Variants in GALNT2 observed in about 807,000 individuals in gnomAD.
GALNT2 encodes the protein polypeptide N-acetylgalactosaminyltransferase 2, also known as UDP-GalNAc:polypeptide N-acetylgalactosaminyltransferase 2.
Under a neutral mutation model 81.4 loss-of-function variants are expected in GALNT2, and 31 were observed. That is an observed-to-expected ratio of 0.38 (90% CI 0.29 to 0.51). GALNT2 has a LOEUF of 0.51. GALNT2 is among the 20% of genes least tolerant of loss of function. The pLI is 0.87. For synonymous variants in GALNT2, 303 were observed against 287.4 expected (o/e 1.05, Z -0.55); for missense variants, 629 against 765.7 (o/e 0.82, Z 2.11).
At chr1:230,200,987 C>T (rs777478771) in intron 2 of GALNT2, among the ~76,000 whole-genome samples, 11 of 152,238 alleles carry the variant, frequency 7.2e-5, no homozygotes, top group Admixed American at 3.3e-4. Flanking sequence ...TGTATTAGTC[C>T]GTGAAAGGAT....
At position 230,279,574 on chromosome 1, in the gene GALNT2, A is replaced by T; in HGVS notation, c.*116A>T. 1.5e-6 allele frequency: 2 copies of T among 1,309,028 alleles called. No homozygotes were observed. 81.1% of individuals were successfully genotyped at this position (1,309,028 alleles called of 1,614,324 possible). A position where few individuals can be genotyped will look rare whatever the true frequency, so the allele number is the denominator to read the frequency against. ...CGAAACTAATATACCTCAGTATTCC[A>T]TCATGGTCTGAAAGTCAAACTTCGG... On this transcript the variant is annotated 3_prime_UTR_variant, in exon 16 of 16. Transcript: ENST00000366672. This position sits in a 1 kb window ranked among gnomAD's most constrained non-coding sequence, Gnocchi z 4.6.
At chr1:230,106,469 G>A (rs1267265102) in intron 1 of GALNT2, among the ~76,000 whole-genome samples, 1 of 152,180 alleles carries the variant, frequency 6.6e-6, no homozygotes, top group South Asian at 2.1e-4. Context: ...AGCCACCTGA[G>A]GTTGTGACTT....
intron 1 of GALNT2, among the ~76,000 whole-genome samples, chr1:230,157,879 A>G (rs1028064539): frequency 6.6e-6 from 1 of 152,204 alleles, no homozygotes; most frequent in Non-Finnish European, 1.5e-5. Context: ...GCACTGTTCT[A>G]TATCTTGATT....
chr1:230,159,662 G>A (rs1488025734), intron 1 of GALNT2, among the ~76,000 whole-genome samples: 1 of 152,200 alleles, frequency 6.6e-6, no homozygotes, highest in Admixed American at 6.5e-5. Context: ...AGCCGTTGTG[G>A]TTCCCACTGG....
At chr1:230,140,511 C>T (rs1288016664) in intron 1 of GALNT2, among the ~76,000 whole-genome samples, 1 of 152,216 alleles carries the variant, frequency 6.6e-6, no homozygotes, top group Non-Finnish European at 1.5e-5. Context: ...CGTGAAGCTG[C>T]TGTCCGTTGC....
intron 15 of GALNT2, 115 bp downstream of exon 15, chr1:230,274,679 T>C (rs1430880910): frequency 9.5e-6 from 12 of 1,260,338 alleles, no homozygotes; most frequent in Admixed American, 8.2e-5. Context: ...CGTGTACTTA[T>C]GTGTTCTTTT....
At chr1:230,274,940 CAT>C (rs1238392680) in intron 15 of GALNT2, among the ~76,000 whole-genome samples, 1 of 149,564 alleles carries the variant, frequency 6.7e-6, no homozygotes, top group Non-Finnish European at 1.5e-5. Flanking sequence ...TATATGTGAG[CAT>C]ATATATACAC....
At chr1:230,112,034 G>T (rs1660719566) in intron 1 of GALNT2, among the ~76,000 whole-genome samples, 1 of 152,178 alleles carries the variant, frequency 6.6e-6, no homozygotes, top group Admixed American at 6.5e-5. Context: ...ACATGGTGGG[G>T]AGGTGTCTCA....
intron 3 of GALNT2, among the ~76,000 whole-genome samples, chr1:230,211,854 C>T (rs1037652976): frequency 2.0e-5 from 3 of 152,150 alleles, no homozygotes; most frequent in East Asian, 1.9e-4. Context: ...ATGTCGTATA[C>T]CAGTTCCCAG....
At chr1:230,080,234 C>T (rs1374470752) in intron 1 of GALNT2, among the ~76,000 whole-genome samples, 1 of 151,958 alleles carries the variant, frequency 6.6e-6, no homozygotes, top group Non-Finnish European at 1.5e-5. Context: ...ATCAAATGTG[C>T]CATAGTTGTT....
intron 14 of GALNT2, chr1:230,268,630 C>T (rs566581468): frequency 6.6e-6 from 1 of 152,284 alleles, no homozygotes; most frequent in South Asian, 2.1e-4. Context: ...CTGGCTCACC[C>T]CCCGCCAGCA....
At chr1:230,236,542 G>A in intron 5 of GALNT2, 118 bp from the exon 6 acceptor site, 4 of 1,399,182 alleles carry the variant, frequency 2.9e-6, no homozygotes, top group Non-Finnish European at 4.0e-6. Context: ...AAGAAGAGGT[G>A]CCTCTGTGAT....
At chr1:230,135,307 A>G (rs1661502151) in intron 1 of GALNT2, among the ~76,000 whole-genome samples, 2 of 152,174 alleles carry the variant, frequency 1.3e-5, no homozygotes, top group African/African-American at 4.8e-5. Context: ...CTAATGATAC[A>G]GAATCTTCAT....
intron 4 of GALNT2, 112 bp from the exon 5 acceptor site, chr1:230,236,241 G>A (rs781640242): frequency 1.0e-5 from 14 of 1,347,846 alleles, no homozygotes; most frequent in Non-Finnish European, 1.3e-5. Context: ...AGGGTGCAGT[G>A]TGTAGCTCCT....
intron 1 of GALNT2, among the ~76,000 whole-genome samples, chr1:230,172,932 A>ATGGCAGG: frequency 6.6e-6 from 1 of 152,314 alleles, no homozygotes; most frequent in South Asian, 2.1e-4. Context: ...CTCTCTGATT[A>ATGGCAGG]TGGCAGGTAA....
Position 230,257,375 on chromosome 1 carries a change from G to A in GALNT2, c.1136+2031G>A, listed in dbSNP as rs183376679. On this transcript the variant is annotated intron_variant, in intron 11 of 15. Transcript: ENST00000366672. The surrounding 1 kb of genome is among the most constrained non-coding windows in gnomAD (Gnocchi z 4.6). ...CAGGCCAGAGATGTGATACAGTCAT[G>A]CACCTGTAACAGCGTTTCGGTCGGT... is the stretch of plus-strand genomic sequence containing the variant. 2.2e-3 allele frequency among the ~76,000 whole-genome samples: 328 copies of A among 152,368 alleles called. 1 individual carries two copies. The highest frequency in any genetic ancestry group is 7.6e-3 in the African/African-American group (317 of 41,582).
chr1:230,095,255 A>G (rs1020404350), intron 1 of GALNT2, among the ~76,000 whole-genome samples: 1 of 152,146 alleles, frequency 6.6e-6, no homozygotes, highest in African/African-American at 2.4e-5. Context: ...CATCTAGCAG[A>G]GTAAAAATAG....
At chr1:230,247,022 T>G (rs1417947542) in intron 8 of GALNT2, among the ~76,000 whole-genome samples, 1 of 151,738 alleles carries the variant, frequency 6.6e-6, no homozygotes, top group Non-Finnish European at 1.5e-5. Context: ...GGAGGATTGC[T>G]TGAGCCCAGG....
chr1:230,165,628 G>A (rs1432188501), intron 1 of GALNT2, among the ~76,000 whole-genome samples: 1 of 152,236 alleles, frequency 6.6e-6, no homozygotes, highest in African/African-American at 2.4e-5. Flanking sequence ...GACATCTGCA[G>A]CCTGGTTGTG....
Sources: allele counts gnomAD v4.1 joint callset (sites outside exome capture counted in the v4.1 genomes callset), GRCh38; gene constraint gnomAD v4.1.1; non-coding constraint Gnocchi (gnomAD v3.1); transcripts MANE v1.5; gene names NCBI Gene and HGNC (gene_info 2026-07-23, HGNC 2026-07-21).